Variants in FMNL1 observed in about 807,000 individuals in gnomAD.
FMNL1 encodes the protein formin-like protein 1.
FMNL1 carries 43 observed loss-of-function variants against 121.3 expected under a neutral mutation model. The ratio of observed to expected loss-of-function variants is 0.35; its 90% CI spans 0.28 to 0.46. The LOEUF (loss-of-function observed/expected upper bound fraction) is 0.46. Ranked by LOEUF, FMNL1 falls within the 20% of genes least tolerant of loss-of-function variation. The pLI is 1.00. For missense variants in FMNL1, 1,191 were observed against 1,482.4 expected (o/e 0.80, Z 3.23); for synonymous variants, 613 against 613.5 (o/e 1.00, Z 0.01).
intron 9 of FMNL1, 123 bp from the exon 10 acceptor site, chr17:45,238,441 G>A (rs2043599069): frequency 1.1e-6 from 1 of 936,828 alleles, no homozygotes; most frequent in African/African-American, 1.6e-5. Flanking sequence ...TTGAGCAGAA[G>A]AGTGACGTGG....
chr17:45,241,217 TGGA>T lies in FMNL1; in HGVS notation c.1321_1323del (p.Glu441del). ...CAGCTAAGCCAGGCGCGCAAGGAGT[TGGA>T]GACCCTGCGGGTGAGGCTGGGGCGG... On this transcript the variant is annotated inframe_deletion, in exon 13 of 27. Transcript: ENST00000331495. This position sits in a 1 kb window ranked among gnomAD's most constrained non-coding sequence, Gnocchi z 7.0. The T allele has an allele frequency of 6.2e-7, 1 of 1,614,006 alleles. No homozygotes were observed. Among genetic ancestry groups the T allele is most frequent in the Non-Finnish European group, 8.5e-7 (1 of 1,179,952 alleles).
intron 2 of FMNL1, 46 bp downstream of exon 2, chr17:45,230,733 T>G: frequency 6.3e-7 from 1 of 1,590,176 alleles, no homozygotes; most frequent in Non-Finnish European, 8.6e-7. Context: ...CCACTGTCAG[T>G]ACCCCACCCT....
Position 45,233,526 on chromosome 17 carries a change from T to C in FMNL1, c.402-122T>C. On this transcript the variant is annotated intron_variant, in intron 4 of 26. Coordinates refer to ENST00000331495, the MANE Select transcript of FMNL1 (RefSeq NM_005892.4). The surrounding 1 kb of genome is among the most constrained non-coding windows in gnomAD (Gnocchi z 4.1). ...CCCACCTGAGTCTCCCAGAATCCTT[T>C]GGTATCATTGGGTCTTTGGGGGTTG... 1 of 1,161,326 alleles carries C rather than the reference T, an allele frequency of 8.6e-7. No homozygotes were observed. Among genetic ancestry groups the C allele is most frequent in the Non-Finnish European group, 1.2e-6 (1 of 809,266 alleles). The allele number at this position is 1,161,326 out of a possible 1,614,324, so 71.9% of individuals were successfully genotyped here. A position where few individuals can be genotyped will look rare whatever the true frequency, so the allele number is the denominator to read the frequency against.
At chr17:45,244,946 G>A (rs1163228093) in intron 20 of FMNL1, 33 bp from the exon 21 acceptor site, 1 of 1,612,084 alleles carries the variant, frequency 6.2e-7, no homozygotes, top group East Asian at 2.2e-5. Flanking sequence ...GGACTGGCTG[G>A]TGGCCTGTGG....
chr17:45,224,157 C>A (rs1013915158), intron 1 of FMNL1, among the ~76,000 whole-genome samples: 63 of 152,254 alleles, frequency 4.1e-4, no homozygotes, highest in African/African-American at 1.5e-3. Flanking sequence ...ACCTTCTTCC[C>A]GGGGTGGCTC....
At chr17:45,226,139 A>C (rs984403465) in intron 1 of FMNL1, among the ~76,000 whole-genome samples, 1 of 151,890 alleles carries the variant, frequency 6.6e-6, no homozygotes, top group African/African-American at 2.4e-5. Flanking sequence ...CAACCTCCCC[A>C]CCGTTATGCA....
rs747897013 is a variant in FMNL1 at position 45,243,848 on chromosome 17, C to T, written c.2271C>T (p.Pro757=). 1.2e-6 allele frequency: 2 copies of T among 1,613,792 alleles called. No individual in the cohort carries two copies. The highest frequency in any genetic ancestry group is 1.1e-5 in the South Asian group (1 of 91,084). Residue 757 remains proline, a synonymous_variant, in exon 18 of 27, where the codon CCC becomes CCT. Coordinates refer to ENST00000331495, the MANE Select transcript of FMNL1 (RefSeq NM_005892.4). ...DFLELLMRFL[P]TEYERSLITR... is the part of the protein sequence containing the mutation. ...TGGAGCTGCTGATGCGCTTCCTGCC[C>T]ACAGAGTATGAGCGCAGCCTCATCA...
Position 45,243,866 on chromosome 17 carries a change from C to T in FMNL1, c.2289C>T (p.Ser763=). The T allele has an allele frequency of 6.2e-7, 1 of 1,613,904 alleles. No individual in the cohort carries two copies. Among genetic ancestry groups the T allele is most frequent in the Non-Finnish European group, 8.5e-7 (1 of 1,180,036 alleles). ...TCCTGCCCACAGAGTATGAGCGCAGCCTCATCACCCGCTTTGAGCGGGAGC... is the reference window on the plus strand; with the variant it reads ...TCCTGCCCACAGAGTATGAGCGCAGTCTCATCACCCGCTTTGAGCGGGAGC... ...MRFLPTEYER[S]LITRFEREQR... Residue 763 remains serine (S), a synonymous_variant, in exon 18 of 27, where the codon AGC becomes AGT. Coordinates refer to ENST00000331495, the MANE Select transcript of FMNL1 (RefSeq NM_005892.4).
chr17:45,223,125 C>T (rs1598174395), intron 1 of FMNL1, among the ~76,000 whole-genome samples: 1 of 152,196 alleles, frequency 6.6e-6, no homozygotes, highest in African/African-American at 2.4e-5. Context: ...CCACCCCCGA[C>T]GCCCTGGCCC....
In FMNL1 at chr17:45,238,626, C is replaced by G. The variant is rs1280821092; in HGVS notation, c.957C>G (p.Asn319Lys). 1 of 1,614,180 alleles carries G rather than the reference C, an allele frequency of 6.2e-7. No individual in the cohort carries two copies. The highest frequency in any genetic ancestry group is 8.5e-7 in the Non-Finnish European group (1 of 1,180,026). Reference sequence around the variant, plus strand: ...AATATTTCCGGAATGAGGACAGCAACATCGACTTCATGGTGAGCTCAGGAG... The same window carrying G: ...AATATTTCCGGAATGAGGACAGCAAGATCGACTTCATGGTGAGCTCAGGAG... ...LMEYFRNEDS[N>K]IDFMVACMQF... is the part of the protein sequence containing the mutation. The change falls in exon 10 of 27, where the codon AAC becomes AAG. Residue 319 changes from asparagine to lysine, a missense_variant. Transcript: ENST00000331495.
At chr17:45,229,188 C>A (rs1004421888) in intron 1 of FMNL1, among the ~76,000 whole-genome samples, 6 of 152,172 alleles carry the variant, frequency 3.9e-5, no homozygotes, top group Non-Finnish European at 5.9e-5. Context: ...CGTATTCCAC[C>A]CCCTTCAGCC....
intron 19 of FMNL1, 77 bp downstream of exon 19, chr17:45,244,321 G>A: frequency 1.4e-6 from 2 of 1,467,878 alleles, no homozygotes; most frequent in Non-Finnish European, 1.9e-6. Context: ...CTGCTCACCT[G>A]CAATGCAACA....
chr17:45,242,125 C>T lies in FMNL1; in HGVS notation c.1864C>T (p.Arg622Cys). The part of the protein sequence containing the change: ...PGGPPDALGR[R>C]DSELGPGVKA... ...AGGTCCTCCTGATGCCCTAGGAAGACGCGACTCAGAATTGGGCCCAGGTGA... is the reference window on the plus strand; with the variant it reads ...AGGTCCTCCTGATGCCCTAGGAAGATGCGACTCAGAATTGGGCCCAGGTGA... Residue 622 changes from arginine (R) to cysteine (C), a missense_variant, in exon 15 of 27, where the codon CGC becomes TGC. Physicochemically the swap from Arg to Cys is radical, Grantham distance 180. This residue lies in a region of FMNL1 where 519 missense variants were observed against 492.8 expected (regional missense o/e 1.05). Coordinates refer to ENST00000331495, the MANE Select transcript of FMNL1 (RefSeq NM_005892.4). The T allele has an allele frequency of 6.5e-7, 1 of 1,539,112 alleles. No homozygotes were observed. Among genetic ancestry groups the T allele is most frequent in the Non-Finnish European group, 8.7e-7 (1 of 1,142,964 alleles).
rs1221835506 is a variant in FMNL1, at chr17:45,243,275, G to A, written c.2168G>A (p.Arg723Gln). The change falls in exon 17 of 27, where the codon CGG (arginine) becomes CAG (glutamine). Residue 723 changes from arginine (R) to glutamine (Q), a missense_variant. This residue lies in a region of FMNL1 where 367 missense variants were observed against 528.6 expected (regional missense o/e 0.69). Coordinates refer to ENST00000331495, the MANE Select transcript of FMNL1 (RefSeq NM_005892.4). ...GCCAAGAACTTGGCCATCACCCTGC[G>A]GAAGGGCAACCTGGGGGCCGAGCGC... ...NRAKNLAITL[R>Q]KGNLGAERIC... The A allele has an allele frequency of 2.5e-6, 4 of 1,613,826 alleles. No homozygotes were observed. Among genetic ancestry groups the A allele is most frequent in the Non-Finnish European group, 2.5e-6 (3 of 1,179,944 alleles).
chr17:45,242,479 C>T lies in FMNL1; in HGVS notation c.2010+14C>T, dbSNP rs752525112. On this transcript the variant is annotated intron_variant, in intron 16 of 26. Coordinates refer to ENST00000331495, the MANE Select transcript of FMNL1 (RefSeq NM_005892.4). ...AAGGTGCTGCAGGTGAGTGGCCCTG[C>T]CTGGCTCCCCATGTGGGCACCGGAG... 1.8e-5 allele frequency: 29 copies of T among 1,610,492 alleles called. No individual in the cohort carries two copies. The highest frequency in any genetic ancestry group is 2.5e-5 in the Non-Finnish European group (29 of 1,177,308).
Position 45,243,885 on chromosome 17 carries a change from C to T in FMNL1, c.2308C>T (p.Arg770Trp), listed in dbSNP as rs774732222. Residue 770 changes from arginine (R) to tryptophan (W), a missense_variant, in exon 18 of 27, where the codon CGG (arginine) becomes TGG (tryptophan). This residue lies in a region of FMNL1 where 367 missense variants were observed against 528.6 expected (regional missense o/e 0.69). Transcript: ENST00000331495. ...YERSLITRFE[R>W]EQRPMEELSE... is the part of the protein sequence containing the mutation. ...GCGCAGCCTCATCACCCGCTTTGAGCGGGAGCAGCGGCCAATGGAGGAGCT... is the reference window on the plus strand; with the variant it reads ...GCGCAGCCTCATCACCCGCTTTGAGTGGGAGCAGCGGCCAATGGAGGAGCT... 12 of 1,613,648 alleles carry T rather than the reference C, an allele frequency of 7.4e-6. No homozygotes were observed. Among genetic ancestry groups the T allele is most frequent in the African/African-American group, 1.3e-5 (1 of 74,946 alleles).
chr17:45,234,146 A>G lies in FMNL1; in HGVS notation c.560A>G (p.Asp187Gly). 6.2e-7 allele frequency: 1 copy of G among 1,614,036 alleles called. No homozygotes were observed. Among genetic ancestry groups the G allele is most frequent in the Admixed American group, 1.7e-5 (1 of 60,016 alleles). ...AAGCCCCTGGAGCAGTCTGTGGAAGACCTCAGCAAGGGTCCACCCTCCTCC... is the reference window on the plus strand; with the variant it reads ...AAGCCCCTGGAGCAGTCTGTGGAAGGCCTCAGCAAGGGTCCACCCTCCTCC... ...KNKPLEQSVEDLSKGPPSSVP... is the reference protein window; with the variant it reads ...KNKPLEQSVEGLSKGPPSSVP... Residue 187 changes from aspartate (D) to glycine (G), a missense_variant, in exon 6 of 27, where the codon GAC (aspartate) becomes GGC (glycine). Around this residue, in one of 4 missense-constraint regions of FMNL1, gnomAD observed 253 missense variants for 417.5 expected, o/e 0.61. Transcript: ENST00000331495.
chr17:45,246,931 G>A lies in FMNL1; in HGVS notation c.*73G>A, dbSNP rs561051013. 1 of 757,916 alleles carries A rather than the reference G, an allele frequency of 1.3e-6. No individual in the cohort carries two copies. The highest frequency in any genetic ancestry group is 2.4e-6 in the Non-Finnish European group (1 of 415,236). The allele number at this position is 757,916 out of a possible 1,614,324, so 46.9% of individuals were successfully genotyped here. On this transcript the variant is annotated 3_prime_UTR_variant, in exon 27 of 27. Coordinates refer to ENST00000331495, the MANE Select transcript of FMNL1 (RefSeq NM_005892.4). ...GCCGCAGTGCCCGTCGGCGTCCCCCGGGCCCCCCACTGCAGGTCACCTCCG... is the reference window on the plus strand; with the variant it reads ...GCCGCAGTGCCCGTCGGCGTCCCCCAGGCCCCCCACTGCAGGTCACCTCCG...
At chr17:45,246,828 G>A (rs1598217362) in intron 26 of FMNL1, 39 bp from the exon 27 acceptor site, 1 of 702,136 alleles carries the variant, frequency 1.4e-6, no homozygotes, top group Non-Finnish European at 2.6e-6. Context: ...AGCTCTGGGC[G>A]GACTCCTGAA....
Sources: gnomAD v4.1 joint callset for allele counts (sites outside exome capture counted in the v4.1 genomes callset) on GRCh38, gnomAD v4.1.1 for gene constraint, gnomAD v4.1.1 regional missense constraint, Gnocchi (gnomAD v3.1) non-coding constraint, MANE v1.5 for transcripts, NCBI Gene and HGNC (gene_info 2026-07-23, HGNC 2026-07-21) for gene names.